Variants in NDE1 observed in about 807,000 individuals in gnomAD.
The protein encoded by NDE1 is nuclear distribution protein nudE homolog 1.
NDE1 carries 28 observed loss-of-function variants against 43.4 expected under a neutral mutation model. That is an observed-to-expected ratio of 0.65 (90% CI 0.48 to 0.89). NDE1 has a LOEUF of 0.89. Among genes scored for constraint, NDE1 ranks in the 40% least tolerant of loss-of-function variants. NDE1 has a pLI of 0.00. For synonymous variants in NDE1, 184 were observed against 172.0 expected (o/e 1.07, Z -0.55); for missense variants, 441 against 434.1 (o/e 1.02, Z -0.14).
In NDE1 at chr16:15,694,225, A is replaced by C. The variant is rs767258810; in HGVS notation, c.764A>C (p.Asn255Thr). 1.2e-6 allele frequency: 2 copies of C among 1,613,792 alleles called. No individual in the cohort carries two copies. Among genetic ancestry groups the C allele is most frequent in the Non-Finnish European group, 1.7e-6 (2 of 1,180,026 alleles). The change falls in exon 7 of 9, where the codon AAC becomes ACC. Residue 255 changes from asparagine (N) to threonine (T), a missense_variant. Transcript: ENST00000396354. Reference sequence around the variant, plus strand: ...CCTGCGGCCCGGATATCAGCCCTCAACATTGTGGGAGACCTACTGCGGAAA... The same window carrying C: ...CCTGCGGCCCGGATATCAGCCCTCACCATTGTGGGAGACCTACTGCGGAAA... ...LTPAARISALNIVGDLLRKVG... is the reference protein window; with the variant it reads ...LTPAARISALTIVGDLLRKVG...
chr16:15,683,363 AG>A (rs1234960863), intron 4 of NDE1: 1 of 152,044 alleles, frequency 6.6e-6, no homozygotes. Flanking sequence ...TTTGTTTTTA[AG>A]ACAGAGTCTA....
intron 1 of NDE1, chr16:15,651,833 C>T (rs2036520073): frequency 6.6e-6 from 1 of 152,118 alleles, no homozygotes; most frequent in East Asian, 1.9e-4. Flanking sequence ...GCCTGTGATT[C>T]ATATATTTTA....
chr16:15,714,552 G>A lies in NDE1; in HGVS notation c.948-9639G>A, dbSNP rs2040007557. On this transcript the variant is annotated intron_variant, in intron 8 of 8. Transcript: ENST00000396354. ...ATGTCAGGAAGGAGGTGAAGTGGCG[G>A]GGGGTGGTGTTGCAGCTTCAATGGA... 4 of 417,374 alleles carry A rather than the reference G, an allele frequency of 9.6e-6. 1 individual carries two copies. The South Asian group carries it at 1.0e-4, about 10-fold the overall frequency. 25.9% of individuals were successfully genotyped at this position (417,374 alleles called of 1,614,324 possible).
chr16:15,671,937 C>G (rs1050688920), intron 3 of NDE1, among the ~76,000 whole-genome samples: 2 of 152,044 alleles, frequency 1.3e-5, no homozygotes, highest in African/African-American at 2.4e-5. Flanking sequence ...ATCCGCCTGC[C>G]TCGGCCTCTC....
chr16:15,653,285 G>A (rs1396613392), intron 1 of NDE1, among the ~76,000 whole-genome samples: 2 of 152,106 alleles, frequency 1.3e-5, no homozygotes, highest in East Asian at 3.9e-4. Flanking sequence ...TTTGAACATG[G>A]GTCCTTGCCT....
chr16:15,660,258 G>T (rs944909020), intron 1 of NDE1, among the ~76,000 whole-genome samples: 1 of 151,744 alleles, frequency 6.6e-6, no homozygotes, highest in South Asian at 2.1e-4. Flanking sequence ...CAGGAGGATC[G>T]CTTGAGCCCA....
intron 1 of NDE1, among the ~76,000 whole-genome samples, chr16:15,653,061 G>A (rs2036582371): frequency 6.6e-6 from 1 of 152,112 alleles, no homozygotes; most frequent in Admixed American, 6.6e-5. Context: ...CACAGGGCTT[G>A]CTTTACCCCC....
chr16:15,698,408 G>C (rs917896420), intron 8 of NDE1, among the ~76,000 whole-genome samples: 2 of 152,158 alleles, frequency 1.3e-5, no homozygotes, highest in African/African-American at 4.8e-5. Context: ...AGAAAAAAAA[G>C]GGGCAGCTTT....
chr16:15,718,608 G>A (rs1596710586), intron 8 of NDE1: 2 of 1,053,902 alleles, frequency 1.9e-6, no homozygotes, highest in East Asian at 5.2e-5. Flanking sequence ...GAAGTGGACA[G>A]CCGGGACTCA....
chr16:15,715,718 G>A (rs149672506), intron 8 of NDE1, among the ~76,000 whole-genome samples: 32 of 152,270 alleles, frequency 2.1e-4, no homozygotes, highest in African/African-American at 5.5e-4. Flanking sequence ...CTAGTTCATA[G>A]TTCACTGCAG....
chr16:15,718,278 G>A (rs781658122), intron 8 of NDE1: 2 of 1,605,664 alleles, frequency 1.2e-6, no homozygotes, highest in Non-Finnish European at 8.5e-7. Context: ...AGGAGAGACA[G>A]TAGGCAGCGT....
rs751612032 is a variant in NDE1, at chr16:15,696,892, G to T, written c.947+32G>T. 6 of 1,608,914 alleles carry T rather than the reference G, an allele frequency of 3.7e-6. No homozygotes were observed. The African/African-American group carries it at 5.3e-5, about 14-fold the overall frequency. On this transcript the variant is annotated intron_variant, in intron 8 of 8. Coordinates refer to ENST00000396354, the MANE Select transcript of NDE1 (RefSeq NM_017668.3). The stretch of plus-strand genomic sequence containing the variant: ...ACCTTCTAATAAACCTCTCGCTGGC[G>T]GGGAGAACCCGCCTGCCCCAGGCAA...
At chr16:15,690,380 T>TTTTTTTTC (rs1357974513) in intron 5 of NDE1, among the ~76,000 whole-genome samples, 1 of 132,562 alleles carries the variant, frequency 7.5e-6, no homozygotes, top group Non-Finnish European at 1.5e-5. Flanking sequence ...TTTTTTTTTT[T>TTTTTTTTC]TGAGCCAGAG....
chr16:15,689,183 A>G (rs1230696686), intron 5 of NDE1, among the ~76,000 whole-genome samples: 1 of 152,282 alleles, frequency 6.6e-6, no homozygotes, highest in East Asian at 1.9e-4. Context: ...AGTAGATAGA[A>G]ATGTTGTGGT....
At chr16:15,688,214 G>T (rs2038538978) in intron 5 of NDE1, among the ~76,000 whole-genome samples, 2 of 152,016 alleles carry the variant, frequency 1.3e-5, no homozygotes, top group Non-Finnish European at 2.9e-5. Flanking sequence ...ATTTCTGGTG[G>T]AATTGCCAGC....
At chr16:15,645,346 A>G (rs923352938), upstream of NDE1, among the ~76,000 whole-genome samples, 2 of 152,174 alleles carry the variant, frequency 1.3e-5, no homozygotes, top group Admixed American at 6.5e-5. Context: ...GTGATTGAAA[A>G]TGGGCGGGGC....
In NDE1 at chr16:15,667,426, T is replaced by G. The variant is rs1372029313; in HGVS notation, c.224T>G (p.Leu75Arg). 1 of 1,613,646 alleles carries G rather than the reference T, an allele frequency of 6.2e-7. No individual in the cohort carries two copies. Among genetic ancestry groups the G allele is most frequent in the African/African-American group, 1.3e-5 (1 of 74,876 alleles). Residue 75 changes from leucine to arginine, a missense_variant, in exon 3 of 9, where the codon CTG becomes CGG. Coordinates refer to ENST00000396354, the MANE Select transcript of NDE1 (RefSeq NM_017668.3). ...GAAAATAACCGCCTTCGCATGGAGC[T>G]GGAAACCATCAAGGTGAGGGGCTGA... ...LSENNRLRME[L>R]ETIKEKFEVQ...
intron 8 of NDE1, among the ~76,000 whole-genome samples, chr16:15,708,477 C>T (rs881803): frequency 0.58 from 88,635 of 151,938 alleles, 26,992 homozygotes; most frequent in Middle Eastern, 0.75. Flanking sequence ...TGGCTTTTGG[C>T]ATGAAAGGAA....
At chr16:15,666,441 C>T (rs1414958532) in intron 2 of NDE1, among the ~76,000 whole-genome samples, 1 of 152,020 alleles carries the variant, frequency 6.6e-6, no homozygotes, top group East Asian at 1.9e-4. Context: ...AAAACCCTGT[C>T]TGTACAAAAA....
Sources: allele counts gnomAD v4.1 joint callset (sites outside exome capture counted in the v4.1 genomes callset), GRCh38; gene constraint gnomAD v4.1.1; transcripts MANE v1.5; gene names NCBI Gene and HGNC (gene_info 2026-07-23, HGNC 2026-07-21).